Variants in SEZ6L observed in about 807,000 individuals in gnomAD.
The protein encoded by SEZ6L is seizure 6-like protein.
SEZ6L carries 37 observed loss-of-function variants against 106.2 expected under a neutral mutation model. The observed-to-expected ratio is 0.35, with a 90% CI of 0.27 to 0.46. The LOEUF (loss-of-function observed/expected upper bound fraction) is 0.46, where lower values mean the gene tolerates loss of function less well. Ranked by LOEUF, SEZ6L falls within the 20% of genes least tolerant of loss-of-function variation. The pLI, the probability that SEZ6L is intolerant of heterozygous loss-of-function variation, is 1.00. For missense variants in SEZ6L, 1,172 were observed against 1,332.8 expected, an observed-to-expected ratio of 0.88 and a Z score of 1.88; for synonymous variants, 541 against 570.4, an observed-to-expected ratio of 0.95 and a Z score of 0.73.
chr22:26,274,214 T>C lies in SEZ6L; in HGVS notation c.95-18192T>C, dbSNP rs1361085796. 2.6e-5 allele frequency among the ~76,000 whole-genome samples: 4 copies of C among 152,216 alleles called. No individual in the cohort carries two copies. In the East Asian group the frequency reaches 7.7e-4, roughly 29 times the overall value. ...GTAAAATGTGGGTAATAACATTATC[T>C]ACCTCCCAGAGATGTTGAGAGGAGC... On this transcript the variant is annotated intron_variant, in intron 1 of 16. Transcript: ENST00000248933.
intron 1 of SEZ6L, among the ~76,000 whole-genome samples, chr22:26,201,946 C>T (rs1010228140): frequency 6.6e-6 from 1 of 152,202 alleles, no homozygotes; most frequent in Non-Finnish European, 1.5e-5. Flanking sequence ...TGGAGTCTGG[C>T]TCTGTCGCCC....
At chr22:26,327,044 C>G (rs374605761) in intron 9 of SEZ6L, among the ~76,000 whole-genome samples, 1 of 152,094 alleles carries the variant, frequency 6.6e-6, no homozygotes, top group Non-Finnish European at 1.5e-5. Flanking sequence ...CCAGGGGAGG[C>G]CTTCGAGAAT....
intron 1 of SEZ6L, among the ~76,000 whole-genome samples, chr22:26,257,980 C>T (rs938802642): frequency 2.6e-5 from 4 of 152,140 alleles, no homozygotes; most frequent in South Asian, 2.1e-4. Flanking sequence ...AACTCTGGCC[C>T]GCTTTATCTG....
chr22:26,248,261 A>G (rs1266292357), intron 1 of SEZ6L, among the ~76,000 whole-genome samples: 1 of 152,216 alleles, frequency 6.6e-6, no homozygotes, highest in Non-Finnish European at 1.5e-5. Context: ...GTAAAATGTG[A>G]ATGGTGACAT....
intron 1 of SEZ6L, among the ~76,000 whole-genome samples, chr22:26,183,567 G>T (rs1008978541): frequency 6.6e-6 from 1 of 152,178 alleles, no homozygotes; most frequent in African/African-American, 2.4e-5. Flanking sequence ...CCTTTAATGG[G>T]TGAAATAAAT....
intron 1 of SEZ6L, among the ~76,000 whole-genome samples, chr22:26,232,938 T>G (rs1267915378): frequency 6.6e-6 from 1 of 151,934 alleles, no homozygotes; most frequent in Non-Finnish European, 1.5e-5. Context: ...AGCCCAGGGG[T>G]TTTAGAATCA....
chr22:26,348,545 GGA>G (rs1569473232), intron 11 of SEZ6L, among the ~76,000 whole-genome samples: 5 of 68,596 alleles, frequency 7.3e-5, no homozygotes, highest in Non-Finnish European at 8.3e-5. Flanking sequence ...AAGGAAGGAA[GGA>G]AGGAAGGAAG....
chr22:26,254,049 T>C (rs530150858), intron 1 of SEZ6L: 1 of 152,342 alleles, frequency 6.6e-6, no homozygotes, highest in South Asian at 2.1e-4. Flanking sequence ...CACCTGCAAC[T>C]ACCCTTGAGG....
chr22:26,291,135 T>C (rs111418562), intron 1 of SEZ6L, among the ~76,000 whole-genome samples: 1,948 of 152,326 alleles, frequency 0.013, 39 homozygotes, highest in East Asian at 0.038. Context: ...CAAAGATACA[T>C]GCATGCACAT....
chr22:26,298,460 T>G (rs2081362002), intron 4 of SEZ6L, among the ~76,000 whole-genome samples: 1 of 152,184 alleles, frequency 6.6e-6, no homozygotes, highest in Non-Finnish European at 1.5e-5. Context: ...AGGCACTGAG[T>G]CCTTGTCTCA....
intron 13 of SEZ6L, among the ~76,000 whole-genome samples, chr22:26,368,997 T>G (rs1306591006): frequency 6.6e-6 from 1 of 152,142 alleles, no homozygotes; most frequent in Admixed American, 6.5e-5. Context: ...CATGGAAACC[T>G]AGGTGTGTTC....
intron 6 of SEZ6L, among the ~76,000 whole-genome samples, chr22:26,307,626 C>A (rs2081675144): frequency 6.6e-6 from 1 of 152,122 alleles, no homozygotes; most frequent in Non-Finnish European, 1.5e-5. Context: ...CCGAACGTGG[C>A]TTTTTAGCAG....
chr22:26,366,463 G>C (rs1356849185), intron 13 of SEZ6L, among the ~76,000 whole-genome samples: 1 of 152,184 alleles, frequency 6.6e-6, no homozygotes, highest in Non-Finnish European at 1.5e-5. Context: ...GGAAGCTGAG[G>C]TGGGAGGATT....
chr22:26,309,885 T>C (rs1023576288), intron 6 of SEZ6L, among the ~76,000 whole-genome samples: 8 of 152,156 alleles, frequency 5.3e-5, no homozygotes, highest in Non-Finnish European at 8.8e-5. Context: ...CACACTCTGA[T>C]ATAGGTGCAA....
chr22:26,375,554 C>T lies in SEZ6L; in HGVS notation c.2828-21C>T, dbSNP rs747621636. On this transcript the variant is annotated intron_variant, in intron 14 of 16. Transcript: ENST00000248933. ...AGTCAGCTACCTGGGAAATGAGGACCTCACTGGCTCCTGTGTTCAGTAGCA... is the reference window on the plus strand; with the variant it reads ...AGTCAGCTACCTGGGAAATGAGGACTTCACTGGCTCCTGTGTTCAGTAGCA... The T allele has an allele frequency of 1.9e-6, 3 of 1,602,596 alleles. No homozygotes were observed. The South Asian group carries it at 3.3e-5, about 18-fold the overall frequency.
chr22:26,342,542 A>AC (rs2082870527), intron 10 of SEZ6L, among the ~76,000 whole-genome samples: 1 of 151,716 alleles, frequency 6.6e-6, no homozygotes, highest in East Asian at 1.9e-4. Flanking sequence ...ACAAAAAAAA[A>AC]AACATTAGCT....
At chr22:26,357,290 T>G (rs1479431876) in intron 12 of SEZ6L, among the ~76,000 whole-genome samples, 1 of 152,182 alleles carries the variant, frequency 6.6e-6, no homozygotes, top group Non-Finnish European at 1.5e-5. Flanking sequence ...TGTGAGTTCC[T>G]GGTGGCATCC....
chr22:26,248,586 A>C (rs1426323601), intron 1 of SEZ6L, among the ~76,000 whole-genome samples: 1 of 152,224 alleles, frequency 6.6e-6, no homozygotes, highest in Non-Finnish European at 1.5e-5. Context: ...AATAACTGGC[A>C]CAAGGTTGCC....
At position 26,377,723 on chromosome 22, in the gene SEZ6L, A is replaced by C. The variant is rs1447443151; in HGVS notation, c.2993A>C (p.Tyr998Ser). 6.2e-7 allele frequency: 1 copy of C among 1,613,782 alleles called. No individual in the cohort carries two copies. The highest frequency in any genetic ancestry group is 2.2e-5 in the East Asian group (1 of 44,878). Residue 998 changes from tyrosine to serine, a missense_variant, in exon 16 of 17, where the codon TAC (tyrosine) becomes TCC (serine). This residue lies in a region of SEZ6L where 141 missense variants were observed against 176.0 expected (regional missense o/e 0.80). Coordinates refer to ENST00000248933, the MANE Select transcript of SEZ6L (RefSeq NM_021115.5). ...LRLPLMYSHP[Y>S]SQITVETEFD... is the part of the protein sequence containing the mutation. ...CTGCCTCTGATGTACTCCCACCCCT[A>C]CAGCCAGATCACCGTGGAAACCGAG...
Sources: allele counts gnomAD v4.1 joint callset (sites outside exome capture counted in the v4.1 genomes callset), GRCh38; gene constraint gnomAD v4.1.1; regional missense constraint gnomAD v4.1.1; transcripts MANE v1.5; gene names NCBI Gene and HGNC (gene_info 2026-07-23, HGNC 2026-07-21).